Variants in RAPH1 observed in about 807,000 individuals in gnomAD.
The protein encoded by RAPH1 is Ras association (RalGDS/AF-6) and pleckstrin homology domains 1.
RAPH1 carries 18 observed loss-of-function variants against 88.1 expected under a neutral mutation model. That is an observed-to-expected ratio of 0.20 (90% CI 0.14 to 0.30). RAPH1 has a LOEUF of 0.30. Among genes scored for constraint, RAPH1 ranks in the 10% least tolerant of loss-of-function variants. RAPH1 has a pLI of 1.00. For missense variants in RAPH1, 1,448 were observed against 1,543.2 expected, an observed-to-expected ratio of 0.94 and a Z score of 1.03; for synonymous variants, 587 against 559.0, an observed-to-expected ratio of 1.05 and a Z score of -0.71.
chr2:203,466,283 T>C (rs2098528389), intron 4 of RAPH1, among the ~76,000 whole-genome samples: 1 of 152,228 alleles, frequency 6.6e-6, no homozygotes, highest in Admixed American at 6.5e-5. Context: ...TTATGTCAAA[T>C]TGCAAGACTC....
At chr2:203,460,133 C>T (rs1188961857) in intron 6 of RAPH1, 105 bp from the exon 7 acceptor site, 61 of 983,878 alleles carry the variant, frequency 6.2e-5, no homozygotes, top group Middle Eastern at 3.3e-4. Flanking sequence ...TAATCTTAAC[C>T]GACATTTTAG....
chr2:203,439,714 A>T lies in RAPH1; in HGVS notation c.3476T>A (p.Leu1159His), dbSNP rs1262161276. The T allele has an allele frequency of 6.2e-7, 1 of 1,614,118 alleles. No individual in the cohort carries two copies. Among genetic ancestry groups the T allele is most frequent in the East Asian group, 2.2e-5 (1 of 44,870 alleles). ...AGCCAGGAATCCAGGCTGGACACTAAGGCTGGATTTGGGAGAGGTGGGCAC... is the reference window on the plus strand; with the variant it reads ...AGCCAGGAATCCAGGCTGGACACTATGGCTGGATTTGGGAGAGGTGGGCAC... ...PQVPTSPKSS[L>H]SVQPGFLADL... The change falls in exon 14 of 14, where the codon CTT becomes CAT. Residue 1159 changes from leucine to histidine, a missense_variant. Coordinates refer to ENST00000319170, the MANE Select transcript of RAPH1 (RefSeq NM_213589.3).
At position 203,440,753 on chromosome 2, in the gene RAPH1, C is replaced by T. The variant is rs772582737; in HGVS notation, c.2437G>A (p.Ala813Thr). ...PPTPTPPVPP[A>T]KKQPAFPASY... ...GCAGGGAAAGCTGGCTGCTTTTTTGCTGGGGGCACTGGAGGAGTAGGTGTG... is the reference window on the plus strand; with the variant it reads ...GCAGGGAAAGCTGGCTGCTTTTTTGTTGGGGGCACTGGAGGAGTAGGTGTG... Residue 813 changes from alanine (A) to threonine (T), a missense_variant, in exon 14 of 14, where the codon GCA (alanine) becomes ACA (threonine). Physicochemically the swap from Ala to Thr is moderately conservative, Grantham distance 58. This residue lies in a region of RAPH1 where 935 missense variants were observed against 890.1 expected (regional missense o/e 1.05). Transcript: ENST00000319170. The T allele has an allele frequency of 3.7e-6, 6 of 1,607,666 alleles. No individual in the cohort carries two copies. In the South Asian group the frequency reaches 5.5e-5, roughly 15 times the overall value.
At chr2:203,461,673 CTTT>C (rs1182007611) in intron 5 of RAPH1, among the ~76,000 whole-genome samples, 172 bp downstream of exon 5, 1 of 152,036 alleles carries the variant, frequency 6.6e-6, no homozygotes, top group Non-Finnish European at 1.5e-5. Context: ...AAAATTACTC[CTTT>C]TATAATGCAT....
At chr2:203,450,669 G>A (rs911259174) in intron 10 of RAPH1, among the ~76,000 whole-genome samples, 3 of 152,240 alleles carry the variant, frequency 2.0e-5, no homozygotes, top group African/African-American at 7.2e-5. Context: ...CAACTGAAAA[G>A]AGCTCTGTTA....
intron 7 of RAPH1, among the ~76,000 whole-genome samples, chr2:203,459,614 A>T (rs2098522739): frequency 6.6e-6 from 1 of 152,216 alleles, no homozygotes; most frequent in Non-Finnish European, 1.5e-5. Flanking sequence ...TCTGGATTAC[A>T]GAGCCAAAAG....
At chr2:203,459,551 T>C (rs991079499) in intron 7 of RAPH1, among the ~76,000 whole-genome samples, 9 of 152,214 alleles carry the variant, frequency 5.9e-5, no homozygotes, top group Non-Finnish European at 1.3e-4. Flanking sequence ...GAGAAGTACT[T>C]TTCTTTGATG....
rs1487609078 is a variant in RAPH1 at position 203,434,248 on chromosome 2, C to T, written c.*5189G>A. 6.6e-6 allele frequency: 1 copy of T among 152,410 alleles called. No homozygotes were observed. Among genetic ancestry groups the T allele is most frequent in the Non-Finnish European group, 1.5e-5 (1 of 68,022 alleles). The allele number at this position is 152,410 out of a possible 1,614,324, so 9.4% of individuals were successfully genotyped here. On this transcript the variant is annotated 3_prime_UTR_variant, in exon 14 of 14. Coordinates refer to ENST00000319170, the MANE Select transcript of RAPH1 (RefSeq NM_213589.3). ...TACCTGGTACATTATAATGAAGTTC[C>T]TTGTCTTCTTCATGCTTTAAAAAAG...
At chr2:203,467,415 AC>A (rs891158986) in intron 4 of RAPH1, among the ~76,000 whole-genome samples, 6 of 150,678 alleles carry the variant, frequency 4.0e-5, no homozygotes, top group African/African-American at 7.4e-5. Flanking sequence ...TGATAGCGAA[AC>A]CCCGTCTCTA....
intron 1 of RAPH1, among the ~76,000 whole-genome samples, chr2:203,500,241 A>T (rs1688682630): frequency 6.6e-6 from 1 of 152,354 alleles, no homozygotes; most frequent in East Asian, 1.9e-4. Context: ...TTGAGAAGAT[A>T]GGAAAGTGGT....
intron 1 of RAPH1, among the ~76,000 whole-genome samples, chr2:203,505,021 A>G (rs1303697247): frequency 3.3e-5 from 5 of 152,192 alleles, no homozygotes; most frequent in Non-Finnish European, 4.4e-5. Context: ...AAAGCCATTC[A>G]ACAAGTCTCC....
intron 4 of RAPH1, among the ~76,000 whole-genome samples, chr2:203,488,264 C>CGGTT (rs1404099703): frequency 1.3e-5 from 2 of 152,084 alleles, no homozygotes; most frequent in Non-Finnish European, 2.9e-5. Flanking sequence ...GAATAACTTA[C>CGGTT]GGTTCTCTGA....
intron 1 of RAPH1, among the ~76,000 whole-genome samples, chr2:203,514,713 T>C (rs1272759050): frequency 1.3e-5 from 2 of 151,886 alleles, no homozygotes; most frequent in Non-Finnish European, 2.9e-5. Context: ...CACCACCACG[T>C]GCAGCTAATT....
chr2:203,441,566 C>T, intron 13 of RAPH1, 153 bp from the exon 14 acceptor site: 1 of 1,368,268 alleles, frequency 7.3e-7, no homozygotes, highest in Non-Finnish European at 9.4e-7. Context: ...TAAAGATGGA[C>T]AATGTCAGGA....
In RAPH1 at chr2:203,440,590, C is replaced by T. The variant is rs778971495; in HGVS notation, c.2600G>A (p.Ser867Asn). Residue 867 changes from serine (S) to asparagine (N), a missense_variant, in exon 14 of 14, where the codon AGC becomes AAC. By Grantham distance (46) the Ser-to-Asn change is conservative (BLOSUM62 1). Around this residue, in one of 2 missense-constraint regions of RAPH1, gnomAD observed 935 missense variants for 890.1 expected, o/e 1.05. Coordinates refer to ENST00000319170, the MANE Select transcript of RAPH1 (RefSeq NM_213589.3). ...GGGAGTTGGAGGGGGTGGAAACTGG[C>T]TGGCTATCTGCTTCACGACCGAGGG... ...PVPSVVKQIA[S>N]QFPPPPTPPA... is the part of the protein sequence containing the mutation. 1.9e-6 allele frequency: 3 copies of T among 1,551,328 alleles called. No individual in the cohort carries two copies. The highest frequency in any genetic ancestry group is 3.8e-5 in the Admixed American group (2 of 53,032).
intron 1 of RAPH1, among the ~76,000 whole-genome samples, chr2:203,506,517 C>T (rs1035621658): frequency 6.7e-6 from 1 of 149,750 alleles, no homozygotes; most frequent in East Asian, 2.0e-4. Context: ...GAGACTCCGT[C>T]TCAAAAAAAA....
At chr2:203,518,437 G>C (rs1689713292) in intron 1 of RAPH1, among the ~76,000 whole-genome samples, 2 of 151,728 alleles carry the variant, frequency 1.3e-5, no homozygotes, top group Non-Finnish European at 2.9e-5. Context: ...AGAATTGCTT[G>C]AATGTAGGAG....
chr2:203,469,117 T>C (rs755317129), intron 4 of RAPH1, among the ~76,000 whole-genome samples: 12 of 152,216 alleles, frequency 7.9e-5, no homozygotes, highest in Admixed American at 2.6e-4. Flanking sequence ...AACAGCTGTT[T>C]GGAAATGTGC....
chr2:203,510,126 C>G (rs1689270505), intron 1 of RAPH1, among the ~76,000 whole-genome samples: 3 of 152,064 alleles, frequency 2.0e-5, no homozygotes, highest in Admixed American at 2.0e-4. Context: ...CTTTCTGTTT[C>G]TATCTCATAA....
Sources: allele counts gnomAD v4.1 joint callset (sites outside exome capture counted in the v4.1 genomes callset), GRCh38; gene constraint gnomAD v4.1.1; regional missense constraint gnomAD v4.1.1; transcripts MANE v1.5; gene names NCBI Gene and HGNC (gene_info 2026-07-23, HGNC 2026-07-21).